ZFHX3: variants seen among roughly 807,000 people sequenced by gnomAD.
ZFHX3 encodes the protein zinc finger homeobox protein 3.
A neutral mutation model predicts 279.1 loss-of-function variants in ZFHX3; 42 were observed. The ratio of observed to expected loss-of-function variants is 0.15; its 90% CI spans 0.12 to 0.19. The LOEUF (loss-of-function observed/expected upper bound fraction) is 0.19. Among genes scored for constraint, ZFHX3 ranks in the 10% least tolerant of loss-of-function variants. The pLI is 1.00. For missense variants in ZFHX3, 4,981 were observed against 4,754.0 expected (o/e 1.05, Z -1.40); for synonymous variants, 2,293 against 1,957.8 (o/e 1.17, Z -4.52).
chr16:73,852,713 C>T (rs2639326), intron 1 of ZFHX3, among the ~76,000 whole-genome samples: 65,793 of 151,922 alleles, frequency 0.43, 16,351 homozygotes, highest in African/African-American at 0.69. Context: ...GCAAGAAAGC[C>T]TGGCAAGGAT....
At chr16:73,740,759 T>C (rs2053649763) in intron 1 of ZFHX3, among the ~76,000 whole-genome samples, 1 of 152,196 alleles carries the variant, frequency 6.6e-6, no homozygotes, top group Non-Finnish European at 1.5e-5. Context: ...AAGCCCCAGA[T>C]TCTCGAGTCC....
At chr16:73,496,494 G>A (rs1173943113) in intron 2 of ZFHX3, among the ~76,000 whole-genome samples, 2 of 152,186 alleles carry the variant, frequency 1.3e-5, no homozygotes, top group Non-Finnish European at 2.9e-5. Flanking sequence ...TCGTGCCACT[G>A]CACTCCAGCC....
intron 8 of ZFHX3, among the ~76,000 whole-genome samples, chr16:73,090,448 A>G (rs892371975): frequency 3.3e-5 from 5 of 152,218 alleles, no homozygotes; most frequent in Non-Finnish European, 1.5e-5. Flanking sequence ...TATCTTTTTC[A>G]TAAGGCAAAA....
intron 3 of ZFHX3, among the ~76,000 whole-genome samples, chr16:73,393,023 T>C (rs956621652): frequency 1.3e-5 from 2 of 152,156 alleles, no homozygotes; most frequent in African/African-American, 4.8e-5. Context: ...TTAGTAGAGA[T>C]GGGGTTTCAC....
intron 2 of ZFHX3, among the ~76,000 whole-genome samples, chr16:73,612,407 A>T (rs1214933790): frequency 6.6e-6 from 1 of 152,206 alleles, no homozygotes; most frequent in Admixed American, 6.5e-5. Flanking sequence ...AGAGGTGCAA[A>T]CACGCTGCTG....
intron 1 of ZFHX3, among the ~76,000 whole-genome samples, chr16:72,982,558 G>A (rs1054170268): frequency 2.0e-5 from 3 of 152,202 alleles, no homozygotes; most frequent in Non-Finnish European, 2.9e-5. Flanking sequence ...CCCAAAGGAG[G>A]TATTTTCATT....
intron 1 of ZFHX3, among the ~76,000 whole-genome samples, chr16:73,024,794 C>T (rs1413030524): frequency 2.0e-5 from 3 of 152,174 alleles, no homozygotes; most frequent in African/African-American, 7.2e-5. Flanking sequence ...AGACACTTTG[C>T]AGAGAGACTC....
At chr16:73,007,057 C>G (rs1295421515) in intron 1 of ZFHX3, among the ~76,000 whole-genome samples, 1 of 152,142 alleles carries the variant, frequency 6.6e-6, no homozygotes, top group Non-Finnish European at 1.5e-5. Flanking sequence ...ACTATGAAGG[C>G]CAACTATATT....
intron 2 of ZFHX3, among the ~76,000 whole-genome samples, chr16:73,636,713 T>C (rs1228644330): frequency 2.0e-5 from 3 of 152,140 alleles, no homozygotes; most frequent in Non-Finnish European, 4.4e-5. Context: ...TTCACCTATA[T>C]GATGAAAACT....
At chr16:73,299,773 T>G (rs957798474) in intron 4 of ZFHX3, among the ~76,000 whole-genome samples, 1 of 152,200 alleles carries the variant, frequency 6.6e-6, no homozygotes, top group Non-Finnish European at 1.5e-5. Context: ...TTGCAGGATT[T>G]GACGGAAGCA....
intron 4 of ZFHX3, among the ~76,000 whole-genome samples, chr16:72,846,608 T>A (rs2037486796): frequency 6.6e-6 from 1 of 152,250 alleles, no homozygotes; most frequent in South Asian, 2.1e-4. Context: ...TGGGATGGAC[T>A]GCAGTCTTTA....
At chr16:73,678,665 A>G (rs1414024628) in intron 2 of ZFHX3, among the ~76,000 whole-genome samples, 1 of 149,502 alleles carries the variant, frequency 6.7e-6, no homozygotes. Context: ...ATGACTCACC[A>G]AAAAAACTGC....
At chr16:72,932,012 A>G (rs1271343612) in intron 3 of ZFHX3, among the ~76,000 whole-genome samples, 2 of 152,170 alleles carry the variant, frequency 1.3e-5, no homozygotes, top group East Asian at 3.8e-4. Context: ...GTATTTCTAG[A>G]TTGTGGCTTT....
At chr16:73,880,393 A>G (rs186227150) in intron 1 of ZFHX3, among the ~76,000 whole-genome samples, 3 of 152,236 alleles carry the variant, frequency 2.0e-5, no homozygotes, top group Admixed American at 1.3e-4. Flanking sequence ...TTTTTTCCCT[A>G]TAACAGGAAA....
rs1242712738 is a variant in ZFHX3 at position 73,682,942 on chromosome 16, G to GAA, written c.-1607-2704_-1607-2703dup. ...AGAGAAAGAGAAAGAAAGAAAGAAA[G>GAA]AAAGAAAGAAAGAAAGAAAGAAAGA... On this transcript the variant is annotated intron_variant, in intron 1 of 17. Coordinates refer to the ZFHX3 transcript ENST00000641206. Among the ~76,000 whole-genome samples the GAA allele has an allele frequency of 3.6e-4, 6 of 16,502 alleles. 1 individual carries two copies. The highest frequency in any genetic ancestry group is 8.9e-4 in the African/African-American group (5 of 5,632). The allele number at this position is 16,502 out of a possible 152,430, so 10.8% of individuals were successfully genotyped here. A position where few individuals can be genotyped will look rare whatever the true frequency, so the allele number is the denominator to read the frequency against.
At chr16:73,635,627 T>C (rs1222782141) in intron 2 of ZFHX3, among the ~76,000 whole-genome samples, 1 of 152,198 alleles carries the variant, frequency 6.6e-6, no homozygotes, top group Non-Finnish European at 1.5e-5. Context: ...CCTGTGATCC[T>C]GGTTTCAAAG....
intron 2 of ZFHX3, among the ~76,000 whole-genome samples, chr16:73,529,975 T>G (rs764640989): frequency 2.0e-5 from 3 of 152,096 alleles, no homozygotes; most frequent in Non-Finnish European, 4.4e-5. Context: ...TCCATTGTAT[T>G]TGATAGTTGA....
rs150670140 is a variant in ZFHX3, at chr16:73,313,075, C to A, written c.-1194+5165G>T. On this transcript the variant is annotated intron_variant, in intron 4 of 17. Coordinates refer to the ZFHX3 transcript ENST00000641206. ...GACTGGATCATGGGGGCAGATTTCC[C>A]CCTTGCTGTTCTCATGATAGCGAGT... is the stretch of plus-strand genomic sequence containing the variant. Among the ~76,000 whole-genome samples, 369 of 152,202 alleles carry A rather than the reference C, an allele frequency of 2.4e-3. 1 individual carries two copies. The highest frequency in any genetic ancestry group is 7.4e-3 in the African/African-American group (307 of 41,518).
intron 1 of ZFHX3, among the ~76,000 whole-genome samples, chr16:73,024,750 T>C (rs1055267132): frequency 6.6e-6 from 1 of 152,042 alleles, no homozygotes; most frequent in African/African-American, 2.4e-5. Flanking sequence ...TCTCAACAGG[T>C]TGGCTATGTA....
Sources: allele counts gnomAD v4.1 joint callset (sites outside exome capture counted in the v4.1 genomes callset), GRCh38; gene constraint gnomAD v4.1.1; transcripts MANE v1.5; gene names NCBI Gene and HGNC (gene_info 2026-07-23, HGNC 2026-07-21).